CCZ1: variants seen among roughly 807,000 people sequenced by gnomAD.
CCZ1 encodes the protein vacuolar fusion protein CCZ1 homolog.
In CCZ1, 19 loss-of-function variants were observed where a neutral mutation model predicts 57.8. The ratio of observed to expected loss-of-function variants is 0.33; its 90% CI spans 0.23 to 0.48. CCZ1 has a LOEUF of 0.48. Among genes scored for constraint, CCZ1 ranks in the 20% least tolerant of loss-of-function variants. The probability of loss-of-function intolerance (pLI) is 0.99; values close to 1 mark genes in which losing one functional copy is unlikely to be tolerated. For synonymous variants in CCZ1, 81 were observed against 167.0 expected (o/e 0.49, Z 3.97); for missense variants, 200 against 492.0 (o/e 0.41, Z 5.61).
At chr7:5,915,781 C>CCCCG (rs1248044637) in intron 10 of CCZ1, among the ~76,000 whole-genome samples, 2 of 127,916 alleles carry the variant, frequency 1.6e-5, no homozygotes, top group East Asian at 2.6e-4. Context: ...TTCCAAAACC[C>CCCCG]CCGGGAGGTG....
At chr7:5,913,062 A>G (rs546796319) in intron 10 of CCZ1, 108 bp downstream of exon 10, 4 of 829,578 alleles carry the variant, frequency 4.8e-6, no homozygotes, top group African/African-American at 1.8e-5. Flanking sequence ...TGGAAAAGAT[A>G]TTGGAAGTTC....
Position 5,901,674 on chromosome 7 carries a change from G to A in CCZ1, c.408G>A (p.Ser136=), listed in dbSNP as rs148582637. Residue 136 remains serine (S), a synonymous_variant, in exon 5 of 15, where the codon TCG becomes TCA. Coordinates refer to ENST00000325974, the MANE Select transcript of CCZ1 (RefSeq NM_015622.6). ...GTCTGCAGGACAAGGTTTATAGCTC[G>A]GTGCTGCGGCAGTGCTACAGCATGT... ...EEELLDKVYS[S]VLRQCYSMYK... The A allele has an allele frequency of 5.0e-6, 8 of 1,598,448 alleles. 1 individual carries two copies. The highest frequency in any genetic ancestry group is 2.8e-5 in the African/African-American group (2 of 72,616).
intron 12 of CCZ1, among the ~76,000 whole-genome samples, chr7:5,922,735 A>G (rs1326406938): frequency 2.7e-5 from 4 of 150,590 alleles, no homozygotes; most frequent in Admixed American, 6.7e-5. Context: ...TCCACTGGGG[A>G]TGATATGAGG....
intron 7 of CCZ1, among the ~76,000 whole-genome samples, chr7:5,906,477 C>T (rs1479757606): frequency 6.8e-6 from 1 of 147,774 alleles, no homozygotes; most frequent in Non-Finnish European, 1.5e-5. Flanking sequence ...CATATGCCAC[C>T]ATGCCCGGCT....
At chr7:5,899,502 AATC>A (rs1340873016) in intron 1 of CCZ1, among the ~76,000 whole-genome samples, 42 of 132,388 alleles carry the variant, frequency 3.2e-4, no homozygotes, top group African/African-American at 1.2e-3. Context: ...TCACGCCTGT[AATC>A]CCAGCACTTT....
In CCZ1 at chr7:5,905,806, A is replaced by G. The variant is rs1312792094; in HGVS notation, c.698+537A>G. Reference sequence around the variant, plus strand: ...CAAAAAAAAAAAAAAAAAAAAAAAAAAGAGAAAATGTTCCTATCAAGTAAG... The same window carrying G: ...CAAAAAAAAAAAAAAAAAAAAAAAAGAGAGAAAATGTTCCTATCAAGTAAG... On this transcript the variant is annotated intron_variant, in intron 7 of 14. Transcript: ENST00000325974. 6.4e-5 allele frequency among the ~76,000 whole-genome samples: 9 copies of G among 140,410 alleles called. 1 individual carries two copies. Among genetic ancestry groups the G allele is most frequent in the Non-Finnish European group, 1.1e-4 (7 of 66,166 alleles). 92.1% of individuals were successfully genotyped at this position (140,410 alleles called of 152,430 possible). A position where few individuals can be genotyped will look rare whatever the true frequency, so the allele number is the denominator to read the frequency against.
intron 6 of CCZ1, among the ~76,000 whole-genome samples, chr7:5,904,088 A>T (rs1372715541): frequency 1.2e-4 from 10 of 84,478 alleles, no homozygotes; most frequent in African/African-American, 4.7e-4. Context: ...CAGGGAGTTA[A>T]TTTTTTTTTT....
chr7:5,903,102 A>T (rs1335685308), intron 6 of CCZ1, among the ~76,000 whole-genome samples: 2 of 148,700 alleles, frequency 1.3e-5, no homozygotes, highest in Non-Finnish European at 3.0e-5. Context: ...TAATTATTGG[A>T]GTTGCACAAT....
rs947550990 is a variant in CCZ1, at chr7:5,904,738, G to A, written c.523-356G>A. Among the ~76,000 whole-genome samples the A allele has an allele frequency of 8.8e-5, 13 of 147,604 alleles. 1 individual carries two copies. The highest frequency in any genetic ancestry group is 3.0e-5 in the Non-Finnish European group (2 of 67,696). On this transcript the variant is annotated intron_variant, in intron 6 of 14. Transcript: ENST00000325974. ...CCCAGCTGCTCAGGAGGCTGAGGCA[G>A]GAGAATGGTGTGAACCTGGAAGGCG... is the stretch of plus-strand genomic sequence containing the variant.
intron 10 of CCZ1, among the ~76,000 whole-genome samples, chr7:5,913,969 A>G (rs896317118): frequency 7.5e-6 from 1 of 133,406 alleles, no homozygotes; most frequent in Non-Finnish European, 1.7e-5. Flanking sequence ...TCTCCCAGAC[A>G]GAACTGAGAC....
At chr7:5,910,227 T>G (rs995037843) in intron 8 of CCZ1, 111 bp downstream of exon 8, 56 of 960,372 alleles carry the variant, frequency 5.8e-5, no homozygotes, top group Admixed American at 6.5e-5. Context: ...ATGTATGTTT[T>G]GTCTTACTGT....
In CCZ1 at chr7:5,905,636, G is replaced by C. The variant is rs550160708; in HGVS notation, c.698+367G>C. Among the ~76,000 whole-genome samples the C allele has an allele frequency of 5.4e-4, 78 of 144,450 alleles. 11 individuals carry two copies. The East Asian group carries it at 0.015, about 29-fold the overall frequency. 94.8% of individuals were successfully genotyped at this position (144,450 alleles called of 152,430 possible). ...GTCTCTACTAAAAATACAAAAAGTAGCTGGGCGTGGTGGTGCATGCCTGTA... is the reference window on the plus strand; with the variant it reads ...GTCTCTACTAAAAATACAAAAAGTACCTGGGCGTGGTGGTGCATGCCTGTA... On this transcript the variant is annotated intron_variant, in intron 7 of 14. Coordinates refer to ENST00000325974, the MANE Select transcript of CCZ1 (RefSeq NM_015622.6).
At position 5,911,373 on chromosome 7, in the gene CCZ1, G is replaced by T. The variant is rs368937657; in HGVS notation, c.781-488G>T. 2.0e-5 allele frequency among the ~76,000 whole-genome samples: 3 copies of T among 148,872 alleles called. No homozygotes were observed. In the East Asian group the frequency reaches 6.6e-4, roughly 33 times the overall value. ...TTAAGAGACGAGGTCTCACTTTGTT[G>T]ACTCGCATGGTCTCAAACTCCTGGG... On this transcript the variant is annotated intron_variant, in intron 8 of 14. Transcript: ENST00000325974.
chr7:5,907,617 C>T (rs1781864298), intron 7 of CCZ1, among the ~76,000 whole-genome samples: 1 of 146,002 alleles, frequency 6.8e-6, no homozygotes, highest in Non-Finnish European at 1.5e-5. Flanking sequence ...AGGGTTGGCC[C>T]TTTGAAGCCT....
intron 7 of CCZ1, among the ~76,000 whole-genome samples, chr7:5,906,164 A>C (rs1393278085): frequency 6.8e-6 from 1 of 147,932 alleles, no homozygotes; most frequent in Non-Finnish European, 1.5e-5. Context: ...CAACGTGGGC[A>C]CAAGACTGCC....
intron 7 of CCZ1, among the ~76,000 whole-genome samples, chr7:5,909,574 C>CTGTA (rs1781919034): frequency 1.4e-5 from 2 of 147,488 alleles, no homozygotes; most frequent in Admixed American, 1.4e-4. Context: ...TGGCGCATGC[C>CTGTA]TGTAGTCCCA....
rs1053878875 is a variant in CCZ1 at position 5,909,500 on chromosome 7, G to A, written c.699-535G>A. Reference sequence around the variant, plus strand: ...GAGCACTGCTTGAGTCCAGCAGTTCGAAACCAGCCTGGCAACGTAGCAAGA... The same window carrying A: ...GAGCACTGCTTGAGTCCAGCAGTTCAAAACCAGCCTGGCAACGTAGCAAGA... On this transcript the variant is annotated intron_variant, in intron 7 of 14. Coordinates refer to ENST00000325974, the MANE Select transcript of CCZ1 (RefSeq NM_015622.6). 5.1e-4 allele frequency among the ~76,000 whole-genome samples: 76 copies of A among 148,024 alleles called. 3 individuals carry two copies. The highest frequency in any genetic ancestry group is 1.3e-3 in the African/African-American group (53 of 39,934).
intron 9 of CCZ1, among the ~76,000 whole-genome samples, chr7:5,912,434 T>G (rs1779059707): frequency 9.8e-6 from 1 of 101,566 alleles, no homozygotes; most frequent in African/African-American, 4.1e-5. Flanking sequence ...TCTCTGTCGC[T>G]CAGGCTGGAG....
At chr7:5,911,109 A>G (rs1316799420) in intron 8 of CCZ1, among the ~76,000 whole-genome samples, 1 of 149,100 alleles carries the variant, frequency 6.7e-6, no homozygotes, top group East Asian at 2.2e-4. Context: ...CGACTTGTGT[A>G]GTCTTTTCCT....
Sources: gnomAD v4.1 joint callset for allele counts (sites outside exome capture counted in the v4.1 genomes callset) on GRCh38, gnomAD v4.1.1 for gene constraint, MANE v1.5 for transcripts, NCBI Gene and HGNC (gene_info 2026-07-23, HGNC 2026-07-21) for gene names.